The following ICA1L variants were observed in gnomAD, a reference collection of about 807,000 sequenced individuals.
ICA1L encodes islet cell autoantigen 1 like.
In ICA1L, 50 loss-of-function variants were observed where a neutral mutation model predicts 61.3. That is an observed-to-expected ratio of 0.82 (90% CI 0.65 to 1.03). The LOEUF is 1.03. Among genes scored for constraint, ICA1L ranks in the 50% least tolerant of loss-of-function variants. ICA1L has a pLI of 0.00. For synonymous variants in ICA1L, 161 were observed against 191.3 expected (o/e 0.84, Z 1.31); for missense variants, 508 against 556.7 (o/e 0.91, Z 0.88).
chr2:202,850,401 C>T (rs1444300368), intron 1 of ICA1L, among the ~76,000 whole-genome samples: 1 of 152,024 alleles, frequency 6.6e-6, no homozygotes, highest in African/African-American at 2.4e-5. Context: ...TAAAAGGTTA[C>T]AGGAACTGCT....
chr2:202,805,844 C>T lies in ICA1L; in HGVS notation c.910+5902G>A, dbSNP rs118042333. On this transcript the variant is annotated intron_variant, in intron 9 of 12. Transcript: ENST00000358299. ...ATAGCATGAATAGATGTTGAGACTA[C>T]GGCAATGTTCGTTATATTTCCTTTG... 2.6e-4 allele frequency among the ~76,000 whole-genome samples: 40 copies of T among 152,208 alleles called. No homozygotes were observed. In the East Asian group the frequency reaches 3.5e-3, roughly 13 times the overall value.
chr2:202,788,084 A>G (rs140314650), intron 11 of ICA1L, among the ~76,000 whole-genome samples: 15 of 152,354 alleles, frequency 9.8e-5, no homozygotes, highest in African/African-American at 3.4e-4. Context: ...GATAGGAGAT[A>G]TGGGTGGAAA....
chr2:202,852,506 T>A (rs1694654535), intron 1 of ICA1L, among the ~76,000 whole-genome samples: 1 of 151,102 alleles, frequency 6.6e-6, no homozygotes, highest in Non-Finnish European at 1.5e-5. Context: ...CTGTCTCTAC[T>A]AAAAACACAA....
At chr2:202,843,573 A>C (rs1156413462) in intron 1 of ICA1L, among the ~76,000 whole-genome samples, 1 of 152,192 alleles carries the variant, frequency 6.6e-6, no homozygotes, top group Non-Finnish European at 1.5e-5. Context: ...CACAGAACTC[A>C]GGCCTGATGC....
intron 9 of ICA1L, among the ~76,000 whole-genome samples, chr2:202,805,830 A>G (rs534706238): frequency 6.6e-6 from 1 of 152,316 alleles, no homozygotes; most frequent in South Asian, 2.1e-4. Flanking sequence ...TAGCATGAAT[A>G]GATGTTGAGA....
chr2:202,857,797 A>G (rs1694806911), intron 1 of ICA1L, among the ~76,000 whole-genome samples: 1 of 152,228 alleles, frequency 6.6e-6, no homozygotes, highest in South Asian at 2.1e-4. Flanking sequence ...CAACCCCATC[A>G]AAAAGTGGGC....
intron 8 of ICA1L, 77 bp from the exon 9 acceptor site, chr2:202,811,866 A>T (rs1693389070): frequency 2.9e-6 from 3 of 1,050,556 alleles, no homozygotes; most frequent in Non-Finnish European, 1.5e-6. Context: ...ACAGTTTTAT[A>T]TGGTTAAAAA....
chr2:202,825,853 C>T (rs1461183299), intron 2 of ICA1L, 86 bp from the exon 3 acceptor site: 6 of 727,936 alleles, frequency 8.2e-6, no homozygotes, highest in Non-Finnish European at 1.0e-5. Context: ...ACATTTTCTT[C>T]TAAGTATTAT....
intron 9 of ICA1L, among the ~76,000 whole-genome samples, chr2:202,798,640 A>G (rs916955359): frequency 2.0e-5 from 3 of 152,152 alleles, no homozygotes; most frequent in Non-Finnish European, 4.4e-5. Context: ...CAGGGTATTT[A>G]GTGTGTTTGT....
chr2:202,786,870 ATACTC>A, intron 11 of ICA1L: 1 of 393,068 alleles, frequency 2.5e-6, no homozygotes, highest in South Asian at 1.9e-5. Flanking sequence ...GTCATTATGA[ATACTC>A]TATGGGAATG....
At chr2:202,803,147 C>T (rs1212693913) in intron 9 of ICA1L, among the ~76,000 whole-genome samples, 2 of 151,990 alleles carry the variant, frequency 1.3e-5, no homozygotes, top group Non-Finnish European at 2.9e-5. Flanking sequence ...GTGGCTCACA[C>T]CTGTAGTCCC....
intron 1 of ICA1L, among the ~76,000 whole-genome samples, chr2:202,862,418 A>G (rs542201586): frequency 3.8e-4 from 58 of 151,658 alleles, no homozygotes; most frequent in Non-Finnish European, 6.5e-4. Context: ...TGATCATGCC[A>G]CCGTGCTCCA....
At chr2:202,848,831 G>A (rs1248971610) in intron 1 of ICA1L, among the ~76,000 whole-genome samples, 2 of 152,082 alleles carry the variant, frequency 1.3e-5, no homozygotes, top group Non-Finnish European at 2.9e-5. Context: ...AAATTATAAC[G>A]GAGCAGAGAT....
intron 1 of ICA1L, chr2:202,840,705 G>A (rs1410238199): frequency 1.7e-6 from 1 of 602,332 alleles, no homozygotes; most frequent in African/African-American, 1.8e-5. Context: ...GCCCGCTGCA[G>A]GGCAGCCTCC....
chr2:202,840,530 C>T lies in ICA1L; in HGVS notation c.-7-11514G>A, dbSNP rs147465040. On this transcript the variant is annotated intron_variant, in intron 1 of 12. Transcript: ENST00000358299. ...GGCCGAGCTCAGACCACCTGCATAG[C>T]CACTGGTGGTCTTCATATGGATATT... 21 of 547,004 alleles carry T rather than the reference C, an allele frequency of 3.8e-5. 1 individual carries two copies. In the East Asian group the frequency reaches 9.9e-4, roughly 26 times the overall value. 33.9% of individuals were successfully genotyped at this position (547,004 alleles called of 1,614,324 possible).
chr2:202,774,296 A>C lies in ICA1L; in HGVS notation c.*5237T>G, dbSNP rs1692146818. ...CGACGCGTGCAGGCACCTACGGGCG[A>C]CCGCGGACGGCGGCGCGCGCGTTCC... On this transcript the variant is annotated 3_prime_UTR_variant, in exon 13 of 13. Coordinates refer to ENST00000358299, the MANE Select transcript of ICA1L (RefSeq NM_001288622.3). 1.3e-6 allele frequency: 2 copies of C among 1,523,018 alleles called. No individual in the cohort carries two copies. Among genetic ancestry groups the C allele is most frequent in the Admixed American group, 4.4e-5 (2 of 45,218 alleles). 94.3% of individuals were successfully genotyped at this position (1,523,018 alleles called of 1,614,324 possible).
chr2:202,780,418 TTCTC>T (rs1251924261), intron 12 of ICA1L, among the ~76,000 whole-genome samples: 1 of 152,246 alleles, frequency 6.6e-6, no homozygotes, highest in African/African-American at 2.4e-5. Flanking sequence ...AAAATTTTAT[TTCTC>T]AAGATTCTAC....
At chr2:202,864,260 T>C (rs1209813757) in intron 1 of ICA1L, among the ~76,000 whole-genome samples, 3 of 151,984 alleles carry the variant, frequency 2.0e-5, no homozygotes, top group African/African-American at 2.4e-5. Flanking sequence ...TTTTTTTTTT[T>C]CGAGACGGAG....
intron 1 of ICA1L, among the ~76,000 whole-genome samples, chr2:202,846,620 C>G (rs1694470552): frequency 1.3e-5 from 2 of 152,136 alleles, no homozygotes; most frequent in Non-Finnish European, 2.9e-5. Context: ...GCCTAACACA[C>G]CCAACACTGT....
Sources: gnomAD v4.1 joint callset for allele counts (sites outside exome capture counted in the v4.1 genomes callset) on GRCh38, gnomAD v4.1.1 for gene constraint, MANE v1.5 for transcripts, NCBI Gene and HGNC (gene_info 2026-07-23, HGNC 2026-07-21) for gene names.